The following KIAA1217 variants were observed in gnomAD, a reference collection of about 807,000 sequenced individuals.
KIAA1217 encodes the protein sickle tail protein homolog.
Under a neutral mutation model 163.9 loss-of-function variants are expected in KIAA1217, and 88 were observed. The observed-to-expected ratio is 0.54, with a 90% CI of 0.45 to 0.64. The LOEUF is 0.64. KIAA1217 is among the 30% of genes least tolerant of loss of function. The probability of loss-of-function intolerance (pLI) is 0.00; values close to 1 mark genes in which losing one functional copy is unlikely to be tolerated. For missense variants in KIAA1217, 2,372 were observed against 2,475.0 expected, an observed-to-expected ratio of 0.96 and a Z score of 0.88; for synonymous variants, 903 against 923.1, an observed-to-expected ratio of 0.98 and a Z score of 0.39.
chr10:24,239,892 A>G (rs1343122496), intron 2 of KIAA1217, among the ~76,000 whole-genome samples: 1 of 152,024 alleles, frequency 6.6e-6, no homozygotes, highest in African/African-American at 2.4e-5. Flanking sequence ...TCACCGAGGC[A>G]TTTTTCCCAG....
At chr10:24,492,892 A>G (rs1021463423) in intron 6 of KIAA1217, among the ~76,000 whole-genome samples, 1 of 151,146 alleles carries the variant, frequency 6.6e-6, no homozygotes, top group Non-Finnish European at 1.5e-5. Flanking sequence ...GTCACCCAGG[A>G]TGGAGTGCAG....
In KIAA1217 at chr10:24,533,164, C is replaced by A. The variant is rs747701724; in HGVS notation, c.3341C>A (p.Pro1114His). ...TCAGCCTGGACCCCATCCCCACCGC[C>A]TGTCACCACCTCCTCCTCAAAGGAT... ...PASAWTPSPP[P>H]VTTSSSKDEE... Residue 1114 changes from proline to histidine, a missense_variant, in exon 16 of 21, where the codon CCT (proline) becomes CAT (histidine). Pro to His is a moderately conservative substitution (Grantham distance 77). Around this residue, in one of 3 missense-constraint regions of KIAA1217, gnomAD observed 1,431 missense variants for 1,470.3 expected, o/e 0.97. Coordinates refer to ENST00000376454, the MANE Select transcript of KIAA1217 (RefSeq NM_019590.5). 2.5e-6 allele frequency: 4 copies of A among 1,613,742 alleles called. No homozygotes were observed. Among genetic ancestry groups the A allele is most frequent in the Non-Finnish European group, 3.4e-6 (4 of 1,179,964 alleles).
chr10:24,461,793 CCTAG>C (rs1468218522), intron 5 of KIAA1217, among the ~76,000 whole-genome samples: 3 of 152,180 alleles, frequency 2.0e-5, no homozygotes, highest in African/African-American at 7.2e-5. Flanking sequence ...TAATGCTCTA[CCTAG>C]CTATTTTTGT....
chr10:24,501,618 C>G, intron 9 of KIAA1217, 73 bp downstream of exon 9: 1 of 1,393,288 alleles, frequency 7.2e-7, no homozygotes, highest in South Asian at 1.3e-5. Flanking sequence ...CTAGGGGCTC[C>G]GTGAAGACCT....
intron 12 of KIAA1217, 100 bp downstream of exon 12, chr10:24,522,029 G>C: frequency 7.4e-7 from 1 of 1,344,984 alleles, no homozygotes; most frequent in Non-Finnish European, 1.0e-6. Flanking sequence ...ATGCTCCCAG[G>C]ACACATCCAG....
intron 1 of KIAA1217, among the ~76,000 whole-genome samples, chr10:23,702,378 A>G (rs1041129964): frequency 5.7e-4 from 86 of 152,148 alleles, no homozygotes; most frequent in African/African-American, 2.1e-3. Flanking sequence ...AACACATTTT[A>G]TTCTGAACAC....
chr10:23,706,827 G>A (rs914129872), intron 1 of KIAA1217, among the ~76,000 whole-genome samples: 5 of 152,142 alleles, frequency 3.3e-5, no homozygotes, highest in Non-Finnish European at 7.4e-5. Flanking sequence ...ATGAAGGGAA[G>A]AGAAGGAAGT....
At chr10:24,467,802 A>ATGTGTGTGTGTATGTGTG (rs2063104225) in intron 5 of KIAA1217, among the ~76,000 whole-genome samples, 1 of 136,626 alleles carries the variant, frequency 7.3e-6, no homozygotes, top group African/African-American at 2.8e-5. Flanking sequence ...GTGTATGTGT[A>ATGTGTGTGTGTATGTGTG]TGTGTGTGTG....
Position 24,501,505 on chromosome 10 carries a change from CG to C in KIAA1217, c.1963del (p.Glu655AsnfsTer20). 6.2e-7 allele frequency: 1 copy of C among 1,613,722 alleles called. No individual in the cohort carries two copies. The highest frequency in any genetic ancestry group is 2.2e-5 in the East Asian group (1 of 44,840). ...MSLLEMRRSVAELRLQLQQMR... is the reference protein window; with the variant it reads ...MSLLEMRRSVXELRLQLQQMR... The stretch of plus-strand genomic sequence containing the variant: ...CTGCTTGAGATGAGGCGGAGCGTGG[CG>C]GAACTCAGGCTCCAGCTCCAGCAGA... On this transcript the variant is annotated frameshift_variant, in exon 9 of 21. Transcript: ENST00000376454. LOFTEE classifies it high-confidence loss of function.
chr10:23,902,780 G>A (rs576447182), intron 1 of KIAA1217, among the ~76,000 whole-genome samples: 1 of 152,228 alleles, frequency 6.6e-6, no homozygotes, highest in East Asian at 1.9e-4. Context: ...GAGTCAATAT[G>A]GTGGCTGAAC....
intron 1 of KIAA1217, among the ~76,000 whole-genome samples, chr10:23,775,298 A>G (rs1031918829): frequency 2.0e-5 from 3 of 152,168 alleles, no homozygotes; most frequent in African/African-American, 4.8e-5. Flanking sequence ...ATGCAGAATG[A>G]TGGAATGAGA....
chr10:23,850,090 A>G (rs549265593), intron 1 of KIAA1217, among the ~76,000 whole-genome samples: 4 of 152,100 alleles, frequency 2.6e-5, no homozygotes, highest in South Asian at 4.1e-4. Flanking sequence ...TCTAGCCTTT[A>G]CAACGAATGC....
At chr10:24,275,551 T>G (rs2077190568) in intron 2 of KIAA1217, 1 of 428,778 alleles carries the variant, frequency 2.3e-6, no homozygotes. Flanking sequence ...AATTTGAGGG[T>G]CACAAACAGA....
At chr10:23,718,755 T>G (rs1001163057) in intron 1 of KIAA1217, among the ~76,000 whole-genome samples, 3 of 151,972 alleles carry the variant, frequency 2.0e-5, no homozygotes, top group Admixed American at 1.3e-4. Context: ...CAAGGTTTAT[T>G]TAGATGAAAT....
intron 1 of KIAA1217, among the ~76,000 whole-genome samples, chr10:23,701,613 A>C (rs1298168159): frequency 6.6e-6 from 1 of 152,222 alleles, no homozygotes; most frequent in Non-Finnish European, 1.5e-5. Context: ...TTACATGAAC[A>C]ACAAAAACTA....
chr10:23,769,882 G>A (rs1032178450), intron 1 of KIAA1217, among the ~76,000 whole-genome samples: 3 of 152,164 alleles, frequency 2.0e-5, no homozygotes, highest in African/African-American at 7.2e-5. Context: ...TGATCTGAGA[G>A]GTCAAGAGGC....
chr10:23,858,989 G>T (rs1272947399), intron 1 of KIAA1217, among the ~76,000 whole-genome samples: 2 of 152,166 alleles, frequency 1.3e-5, no homozygotes, highest in African/African-American at 4.8e-5. Flanking sequence ...AAGATAAAAT[G>T]CAGGAAGAAA....
At chr10:24,154,795 G>A (rs2064799027) in intron 2 of KIAA1217, among the ~76,000 whole-genome samples, 1 of 152,064 alleles carries the variant, frequency 6.6e-6, no homozygotes, top group Non-Finnish European at 1.5e-5. Context: ...CCCAGTCTCT[G>A]AAGTTGTCTA....
intron 10 of KIAA1217, 25 bp downstream of exon 10, chr10:24,513,459 G>A: frequency 1.2e-6 from 2 of 1,608,162 alleles, no homozygotes; most frequent in Non-Finnish European, 1.7e-6. Context: ...CTTGCATGTT[G>A]AGCTGTTTCA....
Sources: gnomAD v4.1 joint callset for allele counts (sites outside exome capture counted in the v4.1 genomes callset) on GRCh38, gnomAD v4.1.1 for gene constraint, gnomAD v4.1.1 regional missense constraint, MANE v1.5 for transcripts, NCBI Gene and HGNC (gene_info 2026-07-23, HGNC 2026-07-21) for gene names.